SASH1: variants seen among roughly 807,000 people sequenced by gnomAD.
SASH1 encodes SAM and SH3 domain-containing protein 1.
In SASH1, 44 loss-of-function variants were observed where a neutral mutation model predicts 125.2. The ratio of observed to expected loss-of-function variants is 0.35; its 90% CI spans 0.28 to 0.45. The LOEUF (loss-of-function observed/expected upper bound fraction) is 0.45. Among genes scored for constraint, SASH1 ranks in the 20% least tolerant of loss-of-function variants. The pLI, the probability that SASH1 is intolerant of heterozygous loss-of-function variation, is 1.00. For missense variants in SASH1, 1,426 were observed against 1,614.5 expected (o/e 0.88, Z 2.00); for synonymous variants, 639 against 649.1 (o/e 0.98, Z 0.24).
At chr6:148,400,225 C>T (rs1454903038) in intron 2 of SASH1, among the ~76,000 whole-genome samples, 1 of 152,150 alleles carries the variant, frequency 6.6e-6, no homozygotes, top group African/African-American at 2.4e-5. Context: ...GCCAAGTGGC[C>T]CACCTATTCT....
chr6:148,316,264 GT>G (rs1346434243), intron 1 of SASH1, among the ~76,000 whole-genome samples: 4 of 152,116 alleles, frequency 2.6e-5, no homozygotes, highest in Non-Finnish European at 5.9e-5. Flanking sequence ...TGTTTCTGCT[GT>G]TTTCAATGAG....
intron 12 of SASH1, among the ~76,000 whole-genome samples, chr6:148,528,035 C>G (rs1450421344): frequency 7.0e-6 from 1 of 142,670 alleles, no homozygotes; most frequent in Non-Finnish European, 1.5e-5. Context: ...ATAAGTTGTT[C>G]TAGAAGCACA....
rs1169171191 is a variant in SASH1, at chr6:148,343,143, G to T, written c.76G>T (p.Glu26Ter). 6.3e-7 allele frequency: 1 copy of T among 1,598,722 alleles called. No individual in the cohort carries two copies. The highest frequency in any genetic ancestry group is 1.7e-5 in the Admixed American group (1 of 59,890). Reference sequence around the variant, plus strand: ...CGAGCCGGAGCCCGAGCCCGCGCCGGAGCCGGAACCGGAGCCCAAGCCGGG... The same window carrying T: ...CGAGCCGGAGCCCGAGCCCGCGCCGTAGCCGGAACCGGAGCCCAAGCCGGG... ...EPEPEPEPAP[E>*]PEPEPKPGAG... The change falls in exon 1 of 20, where the codon GAG (glutamate) becomes TAG (stop). Residue 26 changes from glutamate to a stop codon, truncating the protein, a stop_gained. Coordinates refer to ENST00000367467, the MANE Select transcript of SASH1 (RefSeq NM_015278.5). LOFTEE classifies it high-confidence loss of function.
the SASH1 span, among the ~76,000 whole-genome samples, chr6:148,199,706 A>AAAAGAGAAAGAAAGG: frequency 6.6e-6 from 1 of 151,868 alleles, no homozygotes; most frequent in African/African-American, 2.4e-5. Flanking sequence ...TGGGAAAAAG[A>AAAAGAGAAAGAAAGG]AAAGAGAAAG....
intron 2 of SASH1, among the ~76,000 whole-genome samples, chr6:148,401,106 G>A (rs1309124867): frequency 1.3e-5 from 2 of 152,046 alleles, no homozygotes; most frequent in East Asian, 1.9e-4. Flanking sequence ...AAACAAAAAC[G>A]AGCTGGGAAT....
chr6:148,449,249 T>C (rs898137133), intron 4 of SASH1, among the ~76,000 whole-genome samples: 2 of 150,844 alleles, frequency 1.3e-5, no homozygotes, highest in East Asian at 1.9e-4. Flanking sequence ...TTTGTATTTT[T>C]AGTAGAGACA....
chr6:148,544,605 A>C lies in SASH1; in HGVS notation c.3135A>C (p.Ser1045=). The C allele has an allele frequency of 6.2e-7, 1 of 1,613,196 alleles. No individual in the cohort carries two copies. The highest frequency in any genetic ancestry group is 8.5e-7 in the Non-Finnish European group (1 of 1,179,840). ...CAGCACTGGCTCCCAGGCCTCTCTCAGGGCAGGCGCCTGGCAGCCCACCAA... is the reference window on the plus strand; with the variant it reads ...CAGCACTGGCTCCCAGGCCTCTCTCCGGGCAGGCGCCTGGCAGCCCACCAA... ...CPPALAPRPL[S]GQAPGSPPST... Residue 1045 remains serine, a synonymous_variant, in exon 18 of 20, where the codon TCA becomes TCC. Coordinates refer to ENST00000367467, the MANE Select transcript of SASH1 (RefSeq NM_015278.5). This position sits in a 1 kb window ranked among gnomAD's most constrained non-coding sequence, Gnocchi z 6.4.
At chr6:148,450,587 T>C (rs188924737) in intron 4 of SASH1, among the ~76,000 whole-genome samples, 3 of 152,242 alleles carry the variant, frequency 2.0e-5, no homozygotes, top group Non-Finnish European at 4.4e-5. Flanking sequence ...CTTAATGTAC[T>C]TTAACACGTA....
intron 1 of SASH1, among the ~76,000 whole-genome samples, chr6:148,305,345 C>T (rs6921263): frequency 0.45 from 68,070 of 151,976 alleles, 15,819 homozygotes; most frequent in African/African-American, 0.57. Flanking sequence ...CAGTGGCTCA[C>T]GCCTGTAATC....
In SASH1 at chr6:148,343,130, CGAGCCCGCGCCGGAGCCGGAACCG is replaced by C. The variant is rs759221667; in HGVS notation, c.70_93del (p.Ala24_Pro31del). The C allele has an allele frequency of 6.8e-7, 1 of 1,469,718 alleles. No homozygotes were observed. Among genetic ancestry groups the C allele is most frequent in the South Asian group, 1.1e-5 (1 of 89,514 alleles). The allele number at this position is 1,469,718 out of a possible 1,614,324, so 91.0% of individuals were successfully genotyped here. ...CTGAGCCCGAGCCCGAGCCGGAGCCCGAGCCCGCGCCGGAGCCGGAACCGGAGCCCAAGCCGGGTGCTGGCACAT... is the reference window on the plus strand; with the variant it reads ...CTGAGCCCGAGCCCGAGCCGGAGCCCGAGCCCAAGCCGGGTGCTGGCACAT... On this transcript the variant is annotated inframe_deletion, in exon 1 of 20. Transcript: ENST00000367467.
At chr6:148,345,852 G>T (rs1158234202) in intron 1 of SASH1, among the ~76,000 whole-genome samples, 3 of 152,180 alleles carry the variant, frequency 2.0e-5, no homozygotes, top group Admixed American at 1.3e-4. Context: ...GGATCCTGAT[G>T]TCATGACGCT....
At chr6:148,393,762 A>G (rs1177097104) in intron 2 of SASH1, 9 of 982,960 alleles carry the variant, frequency 9.2e-6, no homozygotes, top group African/African-American at 1.7e-5. Context: ...CAAAGGTGCA[A>G]GAATTTGGTG....
At chr6:148,348,286 G>A (rs764540217) in intron 1 of SASH1, among the ~76,000 whole-genome samples, 6 of 152,258 alleles carry the variant, frequency 3.9e-5, no homozygotes, top group East Asian at 1.9e-4. Flanking sequence ...GAGCCACTGC[G>A]CCTGGCCGGC....
At chr6:148,547,547 A>G (rs936139513) in intron 19 of SASH1, among the ~76,000 whole-genome samples, 9 of 152,236 alleles carry the variant, frequency 5.9e-5, no homozygotes, top group Admixed American at 2.0e-4. Flanking sequence ...TGAGTCTCAT[A>G]GTTAAAACAT....
rs1562312052 is a variant in SASH1, at chr6:148,298,647, A to AGGGAGGG, written n.74+26270_74+26271insGGGAGGG. Among the ~76,000 whole-genome samples, 188 of 92,488 alleles carry AGGGAGGG rather than the reference A, an allele frequency of 2.0e-3. 1 individual carries two copies. The highest frequency in any genetic ancestry group is 3.1e-3 in the Admixed American group (24 of 7,840). 60.7% of individuals were successfully genotyped at this position (92,488 alleles called of 152,430 possible). The stretch of plus-strand genomic sequence containing the variant: ...AGTGAGAGGGATGAAAGAAGGAAGG[A>AGGGAGGG]AGGGAGGGAGGGAGGGAGGGAGGAA... On this transcript the variant is annotated intron_variant and non_coding_transcript_variant, in intron 1 of 3. Transcript: ENST00000367469.
chr6:148,430,999 T>C (rs1776037781), intron 2 of SASH1, among the ~76,000 whole-genome samples: 1 of 152,182 alleles, frequency 6.6e-6, no homozygotes, highest in African/African-American at 2.4e-5. Context: ...AAGGTTACAC[T>C]ACAGCAGGGA....
At chr6:148,299,282 T>TAG (rs1779866701) in intron 1 of SASH1, among the ~76,000 whole-genome samples, 1 of 151,690 alleles carries the variant, frequency 6.6e-6, no homozygotes, top group African/African-American at 2.4e-5. Flanking sequence ...ACTCTAACAT[T>TAG]ACAAAGATTT....
At chr6:148,393,478 C>T (rs1211422971) in intron 2 of SASH1, among the ~76,000 whole-genome samples, 1 of 152,134 alleles carries the variant, frequency 6.6e-6, no homozygotes, top group African/African-American at 2.4e-5. Flanking sequence ...ACCACTGACA[C>T]AACACTAAAC....
At chr6:148,507,118 A>G (rs1396264859) in intron 8 of SASH1, among the ~76,000 whole-genome samples, 1 of 151,630 alleles carries the variant, frequency 6.6e-6, no homozygotes, top group Non-Finnish European at 1.5e-5. Flanking sequence ...GAACCCTTGC[A>G]GGAGAAAGAA....
Sources: gnomAD v4.1 joint callset for allele counts (sites outside exome capture counted in the v4.1 genomes callset) on GRCh38, gnomAD v4.1.1 for gene constraint, Gnocchi (gnomAD v3.1) non-coding constraint, MANE v1.5 for transcripts, NCBI Gene and HGNC (gene_info 2026-07-23, HGNC 2026-07-21) for gene names.